Variants in PARD3B observed in about 807,000 individuals in gnomAD.
PARD3B encodes the protein par-3 family cell polarity regulator beta.
In PARD3B, 103 loss-of-function variants were observed where a neutral mutation model predicts 130.2. The observed-to-expected ratio is 0.79, with a 90% confidence interval of 0.67 to 0.93. PARD3B has a LOEUF of 0.93. Among genes scored for constraint, PARD3B ranks in the 40% least tolerant of loss-of-function variants. PARD3B has a pLI of 0.00. For synonymous variants in PARD3B, 583 were observed against 553.2 expected, an observed-to-expected ratio of 1.05 and a Z score of -0.76; for missense variants, 1,609 against 1,499.2, an observed-to-expected ratio of 1.07 and a Z score of -1.21.
chr2:204,883,445 A>ATG (rs1262567958), intron 2 of PARD3B, among the ~76,000 whole-genome samples: 2 of 74,158 alleles, frequency 2.7e-5, no homozygotes, highest in Non-Finnish European at 5.8e-5. Flanking sequence ...ATATATATAT[A>ATG]TATATATATA....
chr2:205,200,730 C>T (rs1478582890), intron 15 of PARD3B, among the ~76,000 whole-genome samples: 1 of 152,130 alleles, frequency 6.6e-6, no homozygotes, highest in Non-Finnish European at 1.5e-5. Flanking sequence ...TAAAATTTCA[C>T]ATGATAGAGA....
At chr2:205,356,469 G>A (rs974384545) in intron 18 of PARD3B, among the ~76,000 whole-genome samples, 4 of 152,164 alleles carry the variant, frequency 2.6e-5, no homozygotes, top group African/African-American at 7.2e-5. Context: ...CTCCACCTCA[G>A]CCTCCCCTGT....
chr2:205,451,396 A>G (rs1454866181), intron 20 of PARD3B, among the ~76,000 whole-genome samples: 1 of 152,198 alleles, frequency 6.6e-6, no homozygotes, highest in Non-Finnish European at 1.5e-5. Context: ...TTTCCAGTAA[A>G]CAAAGTCAAG....
chr2:205,420,975 T>G (rs1386118553), intron 19 of PARD3B, among the ~76,000 whole-genome samples: 1 of 152,076 alleles, frequency 6.6e-6, no homozygotes, highest in Non-Finnish European at 1.5e-5. Flanking sequence ...ACCCCATCTC[T>G]ACTAAAAATA....
intron 4 of PARD3B, among the ~76,000 whole-genome samples, chr2:205,098,593 A>G (rs1488683033): frequency 6.6e-6 from 1 of 152,208 alleles, no homozygotes; most frequent in Non-Finnish European, 1.5e-5. Context: ...TTCTTTGGAC[A>G]TGTATAACCT....
chr2:205,185,631 A>G (rs62172732), intron 13 of PARD3B, 133 bp from the exon 14 acceptor site: 317,390 of 655,918 alleles, frequency 0.48, 79,409 homozygotes, highest in African/African-American at 0.63. Context: ...TCAGTTCTGT[A>G]TGAGAACTTA....
chr2:204,776,496 A>T (rs369322771), intron 2 of PARD3B, among the ~76,000 whole-genome samples: 5 of 152,046 alleles, frequency 3.3e-5, no homozygotes, highest in African/African-American at 9.7e-5. Flanking sequence ...TGGCTGCCAG[A>T]TGTGATATTT....
intron 20 of PARD3B, among the ~76,000 whole-genome samples, chr2:205,484,532 T>C (rs761879073): frequency 6.6e-6 from 1 of 152,236 alleles, no homozygotes; most frequent in African/African-American, 2.4e-5. Flanking sequence ...TTGGTTTAAA[T>C]GAGATTTTTT....
At chr2:205,030,702 TA>T (rs1287448978) in intron 3 of PARD3B, among the ~76,000 whole-genome samples, 1 of 152,156 alleles carries the variant, frequency 6.6e-6, no homozygotes. Flanking sequence ...ATTCTAAACA[TA>T]AGGGCTTATG....
intron 1 of PARD3B, among the ~76,000 whole-genome samples, chr2:204,599,862 A>G (rs1396045892): frequency 6.6e-6 from 1 of 150,754 alleles, no homozygotes; most frequent in Admixed American, 6.6e-5. Context: ...TTTAATTTTT[A>G]TTTTTTGATT....
At chr2:204,777,831 A>C (rs990992076) in intron 2 of PARD3B, among the ~76,000 whole-genome samples, 2 of 152,094 alleles carry the variant, frequency 1.3e-5, no homozygotes, top group Non-Finnish European at 2.9e-5. Flanking sequence ...ATGTCGAGGG[A>C]GGGAACTGTA....
intron 21 of PARD3B, among the ~76,000 whole-genome samples, chr2:205,516,474 A>G (rs2106383978): frequency 6.6e-6 from 1 of 152,246 alleles, no homozygotes; most frequent in East Asian, 1.9e-4. Context: ...TTCTCATTGT[A>G]GAGATCTTTC....
At position 204,589,279 on chromosome 2, in the gene PARD3B, G is replaced by C. The variant is rs114648058; in HGVS notation, c.120+43160G>C. Among the ~76,000 whole-genome samples, 576 of 152,270 alleles carry C rather than the reference G, an allele frequency of 3.8e-3. 4 individuals carry two copies. Among genetic ancestry groups the C allele is most frequent in the African/African-American group, 0.013 (539 of 41,558 alleles). ...GGACAGTGTTGAGCCTTGGCAAATA[G>C]ATATTGGAGCAAATGATTTGCAAGG... is the stretch of plus-strand genomic sequence containing the variant. On this transcript the variant is annotated intron_variant, in intron 1 of 22. Coordinates refer to ENST00000406610, the MANE Select transcript of PARD3B (RefSeq NM_001302769.2).
At chr2:205,410,966 C>G (rs2046576818) in intron 19 of PARD3B, among the ~76,000 whole-genome samples, 1 of 152,166 alleles carries the variant, frequency 6.6e-6, no homozygotes, top group Admixed American at 6.6e-5. Flanking sequence ...TTTACAAACT[C>G]CAAACTTTGA....
At chr2:205,275,815 C>T (rs1921807) in intron 16 of PARD3B, among the ~76,000 whole-genome samples, 80,174 of 128,082 alleles carry the variant, frequency 0.63, 23,930 homozygotes, top group Admixed American at 0.74. Flanking sequence ...CCAGCCTGAG[C>T]AACAAGAGTG....
chr2:205,088,069 A>G (rs923018484), intron 4 of PARD3B, among the ~76,000 whole-genome samples: 1 of 152,200 alleles, frequency 6.6e-6, no homozygotes, highest in African/African-American at 2.4e-5. Context: ...AGACAGGTAA[A>G]TAGTGTCAGG....
rs1692429766 is a variant in PARD3B at position 204,978,980 on chromosome 2, A to G, written c.394+13657A>G. Among the ~76,000 whole-genome samples, 3 of 151,622 alleles carry G rather than the reference A, an allele frequency of 2.0e-5. No homozygotes were observed. In the South Asian group the frequency reaches 6.2e-4, roughly 32 times the overall value. On this transcript the variant is annotated intron_variant, in intron 3 of 22. Transcript: ENST00000406610. ...ACCCTGGCCTCAAAAAAAAAAAAAAAAAAAAAGACAGTTTTAATGTAAAAA... is the reference window on the plus strand; with the variant it reads ...ACCCTGGCCTCAAAAAAAAAAAAAAGAAAAAAGACAGTTTTAATGTAAAAA...
chr2:204,969,899 TTCTTA>T (rs1369351092), intron 3 of PARD3B, among the ~76,000 whole-genome samples: 1 of 152,068 alleles, frequency 6.6e-6, no homozygotes, highest in Non-Finnish European at 1.5e-5. Context: ...TGCTTCTGTC[TTCTTA>T]TCTTCTCATC....
At position 205,160,293 on chromosome 2, in the gene PARD3B, A is replaced by G. The variant is rs567512926; in HGVS notation, c.1620+1386A>G. 1.3e-5 allele frequency among the ~76,000 whole-genome samples: 2 copies of G among 152,302 alleles called. No individual in the cohort carries two copies. Among genetic ancestry groups the G allele is most frequent in the African/African-American group, 4.8e-5 (2 of 41,562 alleles). ...TGGGGTTTGGGTAGGATTCTGATTCAGGCTGGTGTCTCTTGATCCCACTGT... is the reference window on the plus strand; with the variant it reads ...TGGGGTTTGGGTAGGATTCTGATTCGGGCTGGTGTCTCTTGATCCCACTGT... On this transcript the variant is annotated intron_variant, in intron 11 of 22. Coordinates refer to ENST00000406610, the MANE Select transcript of PARD3B (RefSeq NM_001302769.2). The surrounding 1 kb of genome is among the most constrained non-coding windows in gnomAD (Gnocchi z 4.0).
Sources: allele counts gnomAD v4.1 joint callset (sites outside exome capture counted in the v4.1 genomes callset), GRCh38; gene constraint gnomAD v4.1.1; non-coding constraint Gnocchi (gnomAD v3.1); transcripts MANE v1.5; gene names NCBI Gene and HGNC (gene_info 2026-07-23, HGNC 2026-07-21).